Variants in POM121C observed in about 807,000 individuals in gnomAD.
POM121C encodes the protein POM121 transmembrane nucleoporin C.
In POM121C, 20 loss-of-function variants were observed where a neutral mutation model predicts 66.4. The ratio of observed to expected loss-of-function variants is 0.30; its 90% CI spans 0.21 to 0.44. POM121C has a LOEUF of 0.44. Among genes scored for constraint, POM121C ranks in the 20% least tolerant of loss-of-function variants. POM121C has a pLI of 1.00. For synonymous variants in POM121C, 286 were observed against 528.0 expected, an observed-to-expected ratio of 0.54 and a Z score of 6.28; for missense variants, 580 against 1,225.7, an observed-to-expected ratio of 0.47 and a Z score of 7.87.
rs1313400998 is a variant in POM121C at position 75,486,177 on chromosome 7, T to C, written c.-771A>G. The C allele has an allele frequency of 3.2e-6, 1 of 312,708 alleles. No individual in the cohort carries two copies. Among genetic ancestry groups the C allele is most frequent in the Non-Finnish European group, 6.2e-6 (1 of 161,614 alleles). 19.4% of individuals were successfully genotyped at this position (312,708 alleles called of 1,614,324 possible). A position where few individuals can be genotyped will look rare whatever the true frequency, so the allele number is the denominator to read the frequency against. The stretch of plus-strand genomic sequence containing the variant: ...CTGGGCCGCACAGCTCCCGCCCGCC[T>C]AGGTGCTGGTCCGGGCGGTCAGCAT... On this transcript the variant is annotated 5_prime_UTR_variant, in exon 1 of 15. An upstream open reading frame in the 5' UTR loses its in-frame stop. Coordinates refer to ENST00000615331, the MANE Select transcript of POM121C (RefSeq NM_001099415.3).
intron 1 of POM121C, among the ~76,000 whole-genome samples, chr7:75,475,948 T>TA (rs1301255223): frequency 7.2e-5 from 11 of 151,878 alleles, no homozygotes; most frequent in South Asian, 2.1e-4. Context: ...TGATGAGGTG[T>TA]AAAAGTACCA....
intron 1 of POM121C, among the ~76,000 whole-genome samples, chr7:75,480,119 CCTGT>C: frequency 1.3e-5 from 2 of 148,586 alleles, no homozygotes; most frequent in African/African-American, 5.0e-5. Flanking sequence ...AATTTTGCTG[CCTGT>C]AAGAAATAAT....
At chr7:75,474,204 G>A (rs1554479044) in intron 3 of POM121C, among the ~76,000 whole-genome samples, 1 of 152,010 alleles carries the variant, frequency 6.6e-6, no homozygotes, top group African/African-American at 2.4e-5. Context: ...GACCAGCATG[G>A]CCAACATGGT....
intron 1 of POM121C, 28 bp downstream of exon 1, chr7:75,485,836 G>A (rs1792516551): frequency 2.0e-6 from 1 of 500,826 alleles, no homozygotes; most frequent in Non-Finnish European, 4.0e-6. Context: ...GGCCCTTCTC[G>A]CTCCGGGCCC....
chr7:75,428,533 A>G (rs1679181440), intron 7 of POM121C, among the ~76,000 whole-genome samples: 2 of 152,194 alleles, frequency 1.3e-5, no homozygotes, highest in Admixed American at 1.3e-4. Flanking sequence ...GAACTGCTTG[A>G]GCCCAGGAGT....
rs200524305 is a variant in POM121C, at chr7:75,421,936, G to A, written c.2316C>T (p.His772=). 5.0e-6 allele frequency: 8 copies of A among 1,613,600 alleles called. No homozygotes were observed. The highest frequency in any genetic ancestry group is 6.8e-6 in the Non-Finnish European group (8 of 1,179,834). Residue 772 remains histidine (H), a synonymous_variant, in exon 13 of 15, where the codon CAC becomes CAT. Transcript: ENST00000615331. ...PIQPTFGGAT[H]SAFGLKATAS... The stretch of plus-strand genomic sequence containing the variant: ...CCGTGGCTTTCAATCCAAACGCCGA[G>A]TGCGTGGCACCGCCAAAGGTAGGCT...
intron 3 of POM121C, chr7:75,442,729 G>C (rs1211735187): frequency 7.4e-7 from 1 of 1,355,492 alleles, no homozygotes; most frequent in African/African-American, 1.5e-5. Flanking sequence ...TCGCGGCTCC[G>C]CGCCGCGGAG....
chr7:75,458,460 T>C (rs1364887836), intron 3 of POM121C, among the ~76,000 whole-genome samples: 1 of 151,664 alleles, frequency 6.6e-6, no homozygotes, highest in African/African-American at 2.4e-5. Context: ...TCTGGGAGAT[T>C]ACAGCTGCAG....
chr7:75,419,001 C>T, intron 14 of POM121C, 108 bp from the exon 15 acceptor site: 1 of 1,463,624 alleles, frequency 6.8e-7, no homozygotes, highest in Non-Finnish European at 9.0e-7. Flanking sequence ...CAGGGTGCCT[C>T]AATAGGGCTT....
At chr7:75,421,030 T>G (rs1425561732) in intron 13 of POM121C, 18 of 259,594 alleles carry the variant, frequency 6.9e-5, no homozygotes, top group African/African-American at 4.3e-4. Flanking sequence ...CAGAGTACAG[T>G]GTGGCATGAT....
intron 3 of POM121C, among the ~76,000 whole-genome samples, chr7:75,465,275 G>C (rs1267771401): frequency 2.6e-5 from 4 of 151,926 alleles, no homozygotes; most frequent in South Asian, 2.1e-4. Context: ...GATTATAAGC[G>C]TGAGCCACCG....
Position 75,481,238 on chromosome 7 carries a change from T to A in POM121C, c.-458+4626A>T, listed in dbSNP as rs1297913125. ...AATAATGCTATCAAATATATATGTA[T>A]ATATTTGCTATCAAACATATATTAT... On this transcript the variant is annotated intron_variant, in intron 1 of 14. Transcript: ENST00000615331. 3.3e-5 allele frequency among the ~76,000 whole-genome samples: 5 copies of A among 150,920 alleles called. No individual in the cohort carries two copies. In the East Asian group the frequency reaches 9.7e-4, roughly 29 times the overall value.
chr7:75,448,130 G>A (rs1249704042), intron 3 of POM121C, among the ~76,000 whole-genome samples: 2 of 152,060 alleles, frequency 1.3e-5, no homozygotes, highest in Non-Finnish European at 2.9e-5. Context: ...GAGCTGGGAG[G>A]TTCACTTGAG....
chr7:75,430,655 G>A (rs1790132339), intron 7 of POM121C, among the ~76,000 whole-genome samples: 1 of 152,124 alleles, frequency 6.6e-6, no homozygotes, highest in Non-Finnish European at 1.5e-5. Context: ...CACAAACTAT[G>A]CTAACTACAA....
intron 7 of POM121C, among the ~76,000 whole-genome samples, chr7:75,433,534 T>C (rs1790273765): frequency 6.6e-6 from 1 of 151,896 alleles, no homozygotes; most frequent in Non-Finnish European, 1.5e-5. Context: ...TTTTAAAAAA[T>C]ATTCCTAATA....
chr7:75,452,221 G>A (rs1199425122), intron 3 of POM121C, among the ~76,000 whole-genome samples: 1 of 151,688 alleles, frequency 6.6e-6, no homozygotes, highest in Non-Finnish European at 1.5e-5. Flanking sequence ...GCTTTGGGAG[G>A]CCAAGGCAGG....
At position 75,419,344 on chromosome 7, in the gene POM121C, C is replaced by T; in HGVS notation, c.2842G>A (p.Gly948Ser). The change falls in exon 14 of 15, where the codon GGC (glycine) becomes AGC (serine). Residue 948 changes from glycine to serine, a missense_variant. Gly to Ser is a moderately conservative substitution (Grantham distance 56). Coordinates refer to ENST00000615331, the MANE Select transcript of POM121C (RefSeq NM_001099415.3). ...CCGAACGGTCCAACACCAACAAAGC[C>T]TTGGGCGGGTGCTGAAGATGCCCCA... The part of the protein sequence containing the change: ...SFGASSAPAQ[G>S]FVGVGPFGSA... The T allele has an allele frequency of 2.5e-6, 4 of 1,613,638 alleles. No homozygotes were observed. The highest frequency in any genetic ancestry group is 3.4e-6 in the Non-Finnish European group (4 of 1,179,718).
intron 7 of POM121C, among the ~76,000 whole-genome samples, chr7:75,434,982 A>C (rs1790348408): frequency 6.6e-6 from 1 of 152,132 alleles, no homozygotes; most frequent in South Asian, 2.1e-4. Context: ...TACTGAGGGG[A>C]ATGCTGAGTG....
At chr7:75,446,891 C>G (rs1790828712) in intron 3 of POM121C, among the ~76,000 whole-genome samples, 1 of 147,144 alleles carries the variant, frequency 6.8e-6, no homozygotes, top group South Asian at 2.2e-4. Context: ...GCCTGTAGTC[C>G]CAGCTACTCG....
Sources: allele counts gnomAD v4.1 joint callset (sites outside exome capture counted in the v4.1 genomes callset), GRCh38; gene constraint gnomAD v4.1.1; transcripts MANE v1.5; gene names NCBI Gene and HGNC (gene_info 2026-07-23, HGNC 2026-07-21).